C10orf71: variants seen among roughly 807,000 people sequenced by gnomAD.
The protein encoded by C10orf71 is cardiac-enriched FHL2-interacting protein.
For synonymous variants in C10orf71, 758 were observed against 726.3 expected, an observed-to-expected ratio of 1.04 and a Z score of -0.70; for missense variants, 1,869 against 1,804.5, an observed-to-expected ratio of 1.04 and a Z score of -0.65.
chr10:49,313,557 G>A (rs1218085144), intron 1 of C10orf71, among the ~76,000 whole-genome samples: 1 of 152,196 alleles, frequency 6.6e-6, no homozygotes, highest in Non-Finnish European at 1.5e-5. Flanking sequence ...GGAATGGGCT[G>A]CTGCAGTGGC....
rs1431115368 is a variant in C10orf71 at position 49,326,873 on chromosome 10, C to G, written c.*20C>G. The G allele has an allele frequency of 5.3e-6, 8 of 1,522,700 alleles. No individual in the cohort carries two copies. The South Asian group carries it at 9.8e-5, about 19-fold the overall frequency. The allele number at this position is 1,522,700 out of a possible 1,614,324, so 94.3% of individuals were successfully genotyped here. A position where few individuals can be genotyped will look rare whatever the true frequency, so the allele number is the denominator to read the frequency against. On this transcript the variant is annotated 3_prime_UTR_variant, in exon 3 of 3. Transcript: ENST00000374144. ...TCTTGAGTTACTGCAGGCTGTCCCC[C>G]ACCCCCAGATGAACCCAGAGGAGCT... is the stretch of plus-strand genomic sequence containing the variant.
At chr10:49,322,158 G>A (rs900369392) in intron 2 of C10orf71, among the ~76,000 whole-genome samples, 1 of 152,152 alleles carries the variant, frequency 6.6e-6, no homozygotes, top group Non-Finnish European at 1.5e-5. Flanking sequence ...AATTAAATGA[G>A]GGCCACCTGC....
Position 49,326,423 on chromosome 10 carries a change from A to G in C10orf71, c.3878A>G (p.Gln1293Arg), listed in dbSNP as rs1235303615. ...GEYFVFDLPL[Q>R]VKIKTFYDPE... is the part of the protein sequence containing the mutation. ...TACTTTGTCTTCGACTTGCCACTCC[A>G]GGTGAAAATCAAGACCTTCTATGAC... is the stretch of plus-strand genomic sequence containing the variant. Residue 1293 changes from glutamine (Q) to arginine (R), a missense_variant, in exon 3 of 3, where the codon CAG becomes CGG. Coordinates refer to ENST00000374144, the MANE Select transcript of C10orf71 (RefSeq NM_001135196.2). 1.9e-6 allele frequency: 3 copies of G among 1,550,426 alleles called. No homozygotes were observed. The highest frequency in any genetic ancestry group is 1.7e-4 in the Middle Eastern group (1 of 5,992).
chr10:49,324,555 T>G lies in C10orf71; in HGVS notation c.2010T>G (p.Asn670Lys). Residue 670 changes from asparagine (N) to lysine (K), a missense_variant, in exon 3 of 3, where the codon AAT (asparagine) becomes AAG (lysine). Transcript: ENST00000374144. ...TEKMKTHQLE[N>K]GLSRSVSQET... ...AAATGAAGACCCACCAGCTAGAGAA[T>G]GGGCTCTCCAGATCTGTGTCCCAAG... is the stretch of plus-strand genomic sequence containing the variant. 6.2e-7 allele frequency: 1 copy of G among 1,613,692 alleles called. No homozygotes were observed. Among genetic ancestry groups the G allele is most frequent in the Non-Finnish European group, 8.5e-7 (1 of 1,179,792 alleles).
In C10orf71 at chr10:49,326,081, A is replaced by G. The variant is rs1849235469; in HGVS notation, c.3536A>G (p.Lys1179Arg). The G allele has an allele frequency of 1.3e-6, 2 of 1,551,746 alleles. No individual in the cohort carries two copies. Among genetic ancestry groups the G allele is most frequent in the Non-Finnish European group, 1.7e-6 (2 of 1,146,990 alleles). Reference sequence around the variant, plus strand: ...CCTGCAGTCCCACCCAAAACAGAGAAAGCCCTGCGGCGGGCAAAGAAGCTG... The same window carrying G: ...CCTGCAGTCCCACCCAAAACAGAGAGAGCCCTGCGGCGGGCAAAGAAGCTG... ...KPPAVPPKTE[K>R]ALRRAKKLAS... The change falls in exon 3 of 3, where the codon AAA becomes AGA. Residue 1179 changes from lysine to arginine, a missense_variant. Physicochemically the swap from Lys to Arg is conservative, Grantham distance 26. Coordinates refer to ENST00000374144, the MANE Select transcript of C10orf71 (RefSeq NM_001135196.2).
rs1849133081 is a variant in C10orf71 at position 49,323,234 on chromosome 10, A to G, written c.689A>G (p.His230Arg). Residue 230 changes from histidine (H) to arginine (R), a missense_variant, in exon 3 of 3, where the codon CAC becomes CGC. By Grantham distance (29) the His-to-Arg change is conservative. Coordinates refer to ENST00000374144, the MANE Select transcript of C10orf71 (RefSeq NM_001135196.2). ...ESSKNPEMAC[H>R]GSSSFLPAAN... ...TCCAAGAATCCAGAAATGGCCTGTC[A>G]CGGCTCCAGCAGCTTCCTCCCAGCA... The G allele has an allele frequency of 7.4e-6, 12 of 1,613,896 alleles. No homozygotes were observed. Among genetic ancestry groups the G allele is most frequent in the Non-Finnish European group, 1.0e-5 (12 of 1,179,856 alleles).
At chr10:49,304,737 C>CAGG (rs1484114379) in intron 1 of C10orf71, among the ~76,000 whole-genome samples, 1 of 152,350 alleles carries the variant, frequency 6.6e-6, no homozygotes, top group East Asian at 1.9e-4. Context: ...GCTCCCTTCC[C>CAGG]AGGGGCTGGA....
intron 1 of C10orf71, among the ~76,000 whole-genome samples, chr10:49,312,388 C>G (rs1848930266): frequency 1.3e-5 from 2 of 152,214 alleles, no homozygotes; most frequent in African/African-American, 4.8e-5. Flanking sequence ...TGCTGGAGGT[C>G]TGCAGAACAT....
chr10:49,319,250 G>A (rs551409466), intron 2 of C10orf71, among the ~76,000 whole-genome samples: 10 of 152,152 alleles, frequency 6.6e-5, no homozygotes, highest in Admixed American at 2.0e-4. Flanking sequence ...AGGGGAAGCC[G>A]TAAGTATTCC....
chr10:49,321,255 T>G (rs1246480378), intron 2 of C10orf71, among the ~76,000 whole-genome samples: 3 of 152,098 alleles, frequency 2.0e-5, no homozygotes, highest in Non-Finnish European at 2.9e-5. Flanking sequence ...ACCCCCACTC[T>G]ACTCTGCTTC....
Position 49,322,560 on chromosome 10 carries a change from T to C in C10orf71, c.15T>C (p.Asn5=). 1 of 1,607,250 alleles carries C rather than the reference T, an allele frequency of 6.2e-7. No homozygotes were observed. The highest frequency in any genetic ancestry group is 8.5e-7 in the Non-Finnish European group (1 of 1,175,948). The change falls in exon 3 of 3, where the codon AAT becomes AAC. Residue 5 remains asparagine (N), a synonymous_variant. Transcript: ENST00000374144. MMQG[N]KKCTDAFSDS... ...GGAGCCAACAGATGATGCAAGGAAA[T>C]AAGAAGTGCACAGACGCGTTCAGCG...
chr10:49,323,092 A>T lies in C10orf71; in HGVS notation c.547A>T (p.Ser183Cys), dbSNP rs41281949. ...CAAATTCGCTCCTCTTCCAGAAAAC[A>T]GTGTCAACTTCTGCTTCGATTCTGC... Reference protein sequence around the residue: ...PPKFAPLPENSVNFCFDSAFL... With the variant: ...PPKFAPLPENCVNFCFDSAFL... Residue 183 changes from serine to cysteine, a missense_variant, in exon 3 of 3, where the codon AGT (serine) becomes TGT (cysteine). Transcript: ENST00000374144. 15,804 of 1,614,020 alleles carry T rather than the reference A, an allele frequency of 9.8e-3. 101 individuals are homozygous for T. Among genetic ancestry groups the T allele is most frequent in the Middle Eastern group, 0.018 (107 of 6,062 alleles).
Position 49,324,468 on chromosome 10 carries a change from C to G in C10orf71, c.1923C>G (p.Pro641=), listed in dbSNP as rs776134689. The G allele has an allele frequency of 6.2e-7, 1 of 1,607,622 alleles. No homozygotes were observed. Among genetic ancestry groups the G allele is most frequent in the African/African-American group, 1.3e-5 (1 of 74,726 alleles). ...SWCPDSREHR[P]RKHLSLRLCN... ...GTCCAGACTCCAGGGAACACCGCCC[C>G]AGGAAACACCTCTCCCTGAGGCTTT... The change falls in exon 3 of 3, where the codon CCC becomes CCG. Residue 641 remains proline, a synonymous_variant. Coordinates refer to ENST00000374144, the MANE Select transcript of C10orf71 (RefSeq NM_001135196.2).
Position 49,322,685 on chromosome 10 carries a change from C to G in C10orf71, c.140C>G (p.Ser47Cys). Residue 47 changes from serine (S) to cysteine (C), a missense_variant, in exon 3 of 3, where the codon TCC (serine) becomes TGC (cysteine). Transcript: ENST00000374144. The stretch of plus-strand genomic sequence containing the variant: ...AGTTTGTGCATCTCCGAGGACACAT[C>G]CTTCCATGACTCCTATCTGGCTGTG... ...FRSLCISEDT[S>C]FHDSYLAVSP... The G allele has an allele frequency of 6.2e-7, 1 of 1,613,930 alleles. No individual in the cohort carries two copies.
chr10:49,323,157 C>G lies in C10orf71; in HGVS notation c.612C>G (p.Asn204Lys), dbSNP rs758897625. 3.7e-6 allele frequency: 6 copies of G among 1,613,966 alleles called. No homozygotes were observed. Among genetic ancestry groups the G allele is most frequent in the Non-Finnish European group, 5.1e-6 (6 of 1,179,900 alleles). Residue 204 changes from asparagine to lysine, a missense_variant, in exon 3 of 3, where the codon AAC becomes AAG. Coordinates refer to ENST00000374144, the MANE Select transcript of C10orf71 (RefSeq NM_001135196.2). ...TVRRVPAEVSNTHQNSYQPGR... is the reference protein window; with the variant it reads ...TVRRVPAEVSKTHQNSYQPGR... ...GGAGGGTGCCCGCTGAAGTTTCCAA[C>G]ACCCATCAGAACAGCTACCAGCCAG...
At position 49,325,590 on chromosome 10, in the gene C10orf71, A is replaced by G; in HGVS notation, c.3045A>G (p.Pro1015=). 1 of 1,550,838 alleles carries G rather than the reference A, an allele frequency of 6.4e-7. No individual in the cohort carries two copies. ...CCGAGGGTGACATAGAAGACCAGCC[A>G]CCCCCATGGCAGCCCGAAAACTGTT... ...ALPEGDIEDQ[P]PPWQPENCWE... is the part of the protein sequence containing the mutation. The change falls in exon 3 of 3, where the codon CCA becomes CCG. Residue 1015 remains proline, a synonymous_variant. Transcript: ENST00000374144.
chr10:49,326,259 G>GC lies in C10orf71; in HGVS notation c.3719dup (p.Pro1241SerfsTer61), dbSNP rs1160851328. ...ACAATTTCCCCGTGGTCCGTTCCCT[G>GC]CCCCCTCCCGTGCACCGCCACTCCG... On this transcript the variant is annotated frameshift_variant, in exon 3 of 3. Transcript: ENST00000374144. LOFTEE classifies it low-confidence loss of function (END_TRUNC). The GC allele has an allele frequency of 1.3e-5, 20 of 1,549,990 alleles. No individual in the cohort carries two copies. The highest frequency in any genetic ancestry group is 1.7e-4 in the Middle Eastern group (1 of 6,008).
At chr10:49,299,727 T>C (rs1261630301) in intron 1 of C10orf71, among the ~76,000 whole-genome samples, 1 of 152,224 alleles carries the variant, frequency 6.6e-6, no homozygotes, top group Non-Finnish European at 1.5e-5. Context: ...TGCTCCCACA[T>C]GGCTGAGTGC....
chr10:49,312,043 GTGC>G (rs1191840886), intron 1 of C10orf71, among the ~76,000 whole-genome samples: 1 of 152,230 alleles, frequency 6.6e-6, no homozygotes, highest in African/African-American at 2.4e-5. Context: ...GGGTATTTCG[GTGC>G]TTATCTCAAG....
Sources: gnomAD v4.1 joint callset for allele counts (sites outside exome capture counted in the v4.1 genomes callset) on GRCh38, gnomAD v4.1.1 for gene constraint, MANE v1.5 for transcripts, NCBI Gene and HGNC (gene_info 2026-07-23, HGNC 2026-07-21) for gene names.